Variants in DRG1 observed in about 807,000 individuals in gnomAD.
DRG1 encodes the protein developmentally-regulated GTP-binding protein 1.
Under a neutral mutation model 38.8 loss-of-function variants are expected in DRG1, and 19 were observed. That is an observed-to-expected ratio of 0.49 (90% CI 0.34 to 0.72). The LOEUF is 0.72. Among genes scored for constraint, DRG1 ranks in the 30% least tolerant of loss-of-function variants. The probability of loss-of-function intolerance (pLI) is 0.01; values close to 1 mark genes in which losing one functional copy is unlikely to be tolerated. For synonymous variants in DRG1, 167 were observed against 157.5 expected (o/e 1.06, Z -0.45); for missense variants, 299 against 444.8 (o/e 0.67, Z 2.95).
chr22:31,428,108 T>C (rs770221396), intron 8 of DRG1, among the ~76,000 whole-genome samples: 3 of 152,214 alleles, frequency 2.0e-5, no homozygotes, highest in Non-Finnish European at 4.4e-5. Flanking sequence ...TGCTTCAGCC[T>C]CCCAAAGTGT....
chr22:31,414,175 A>G (rs1476101614), intron 4 of DRG1, among the ~76,000 whole-genome samples: 1 of 152,116 alleles, frequency 6.6e-6, no homozygotes, highest in Non-Finnish European at 1.5e-5. Flanking sequence ...TGCTCTGTCT[A>G]TGCCAAATGA....
chr22:31,402,249 G>A (rs1323946672), intron 2 of DRG1, among the ~76,000 whole-genome samples: 3 of 151,596 alleles, frequency 2.0e-5, no homozygotes, highest in African/African-American at 7.3e-5. Context: ...GGTAGAGAAG[G>A]GCCACAGATT....
intron 3 of DRG1, among the ~76,000 whole-genome samples, chr22:31,405,440 A>T (rs2049984027): frequency 6.6e-6 from 1 of 152,056 alleles, no homozygotes; most frequent in African/African-American, 2.4e-5. Flanking sequence ...TGGTGGGATT[A>T]TAGGCTTGAG....
chr22:31,399,867 C>A, intron 1 of DRG1, 142 bp downstream of exon 1: 1 of 1,221,432 alleles, frequency 8.2e-7, no homozygotes, highest in Non-Finnish European at 1.2e-6. Flanking sequence ...GTTCCGACTG[C>A]CCTCTGCCAC....
At chr22:31,428,235 G>C (rs1027319983) in intron 8 of DRG1, among the ~76,000 whole-genome samples, 1 of 149,306 alleles carries the variant, frequency 6.7e-6, no homozygotes, top group Non-Finnish European at 1.5e-5. Context: ...TTTTTGAGAC[G>C]GAGTCTCGCT....
At chr22:31,410,774 C>T (rs1032691202) in intron 3 of DRG1, among the ~76,000 whole-genome samples, 2 of 151,208 alleles carry the variant, frequency 1.3e-5, no homozygotes, top group Admixed American at 6.6e-5. Context: ...GAGATTGTGC[C>T]GTTGTACTCC....
rs1569053844 is a variant in DRG1 at position 31,434,151 on chromosome 22, G to C, written c.*180G>C. ...TTGGTGTCACCTTGTATGTCGAACT[G>C]CATAAAAGATCTGGTAGGCTGGTCA... On this transcript the variant is annotated 3_prime_UTR_variant, in exon 9 of 9. Coordinates refer to ENST00000331457, the MANE Select transcript of DRG1 (RefSeq NM_004147.4). 2 of 566,816 alleles carry C rather than the reference G, an allele frequency of 3.5e-6. No homozygotes were observed. The highest frequency in any genetic ancestry group is 6.3e-6 in the Non-Finnish European group (2 of 315,396). The allele number at this position is 566,816 out of a possible 1,614,324, so 35.1% of individuals were successfully genotyped here.
At chr22:31,425,982 T>C (rs1475515607) in intron 6 of DRG1, among the ~76,000 whole-genome samples, 2 of 152,216 alleles carry the variant, frequency 1.3e-5, no homozygotes. Flanking sequence ...GTCATATTGA[T>C]TGGACACTAG....
At chr22:31,399,992 C>T (rs1162471139) in intron 1 of DRG1, among the ~76,000 whole-genome samples, 2 of 152,158 alleles carry the variant, frequency 1.3e-5, no homozygotes, top group Non-Finnish European at 2.9e-5. Context: ...ACCTTAGGCC[C>T]TTAGTCCGTT....
chr22:31,403,256 G>A (rs753346099), intron 3 of DRG1, 52 bp downstream of exon 3: 1 of 1,532,740 alleles, frequency 6.5e-7, no homozygotes, highest in Admixed American at 2.2e-5. Flanking sequence ...CTTCATTTAG[G>A]AAGAAGTTTA....
chr22:31,432,428 TG>T (rs1416447406), intron 8 of DRG1, among the ~76,000 whole-genome samples: 5 of 149,638 alleles, frequency 3.3e-5, no homozygotes, highest in African/African-American at 1.2e-4. Context: ...TGTGTGTGTG[TG>T]TTTTTTTTTT....
At chr22:31,405,445 C>T (rs945560834) in intron 3 of DRG1, among the ~76,000 whole-genome samples, 2 of 152,080 alleles carry the variant, frequency 1.3e-5, no homozygotes, top group African/African-American at 4.8e-5. Flanking sequence ...GGATTATAGG[C>T]TTGAGCCACC....
intron 4 of DRG1, among the ~76,000 whole-genome samples, chr22:31,417,710 G>T (rs1375754105): frequency 6.6e-6 from 1 of 151,806 alleles, no homozygotes; most frequent in Non-Finnish European, 1.5e-5. Flanking sequence ...ATAAAATCAG[G>T]CTGGGCATGG....
chr22:31,418,321 A>G (rs2050055583), intron 4 of DRG1, among the ~76,000 whole-genome samples: 1 of 152,030 alleles, frequency 6.6e-6, no homozygotes, highest in African/African-American at 2.4e-5. Flanking sequence ...GCCATGTGAC[A>G]TGGCACACAT....
chr22:31,431,019 T>TCCCCCC (rs10570678), intron 8 of DRG1, among the ~76,000 whole-genome samples: 4 of 81,018 alleles, frequency 4.9e-5, no homozygotes, highest in South Asian at 4.8e-4. Flanking sequence ...CACCCGGCCT[T>TCCCCCC]CCCCCCCCCC....
intron 6 of DRG1, among the ~76,000 whole-genome samples, chr22:31,425,030 AG>A (rs2145869694): frequency 6.6e-6 from 1 of 151,922 alleles, no homozygotes; most frequent in East Asian, 1.9e-4. Flanking sequence ...CTCAAACCTC[AG>A]GCAGTCTGCC....
intron 8 of DRG1, among the ~76,000 whole-genome samples, 194 bp downstream of exon 8, chr22:31,427,376 G>A (rs184863972): frequency 6.6e-5 from 10 of 152,154 alleles, no homozygotes; most frequent in African/African-American, 2.2e-4. Flanking sequence ...AACCTCTTTA[G>A]GTCAGGAAGC....
Position 31,426,543 on chromosome 22 carries a change from G to GT in DRG1, c.714-71dup, listed in dbSNP as rs369838429. 1.9e-5 allele frequency: 26 copies of GT among 1,385,460 alleles called. No homozygotes were observed. In the African/African-American group the frequency reaches 3.6e-4, roughly 19 times the overall value. 85.8% of individuals were successfully genotyped at this position (1,385,460 alleles called of 1,614,324 possible). ...GCGCCAGTTGGGTCTGGGTGAGGGT[G>GT]TGCTGTTCAACAGTCTGACAGTTCT... On this transcript the variant is annotated intron_variant, in intron 6 of 8. Coordinates refer to ENST00000331457, the MANE Select transcript of DRG1 (RefSeq NM_004147.4).
intron 6 of DRG1, among the ~76,000 whole-genome samples, chr22:31,424,527 C>T (rs2050097194): frequency 9.3e-6 from 1 of 107,942 alleles, no homozygotes; most frequent in Non-Finnish European, 1.7e-5. Flanking sequence ...AGACAAGAGT[C>T]TCACTCTGTC....
Sources: gnomAD v4.1 joint callset for allele counts (sites outside exome capture counted in the v4.1 genomes callset) on GRCh38, gnomAD v4.1.1 for gene constraint, MANE v1.5 for transcripts, NCBI Gene and HGNC (gene_info 2026-07-23, HGNC 2026-07-21) for gene names.